Variants in KLF12 observed in about 807,000 individuals in gnomAD.
KLF12 encodes the protein KLF transcription factor 12.
Under a neutral mutation model 37.8 loss-of-function variants are expected in KLF12, and 9 were observed. The observed-to-expected ratio is 0.24, with a 90% CI of 0.14 to 0.42. KLF12 has a LOEUF of 0.42. Ranked by LOEUF, KLF12 falls within the 10% of genes least tolerant of loss-of-function variation. The pLI is 1.00. For synonymous variants in KLF12, 208 were observed against 202.1 expected (o/e 1.03, Z -0.25); for missense variants, 411 against 516.0 (o/e 0.80, Z 1.97).
At position 73,846,044 on chromosome 13, in the gene KLF12, A is replaced by G. The variant is rs1461058131; in HGVS notation, c.453T>C (p.Ser151=). 6.2e-7 allele frequency: 1 copy of G among 1,614,006 alleles called. No homozygotes were observed. The highest frequency in any genetic ancestry group is 1.1e-5 in the South Asian group (1 of 91,082). ...ACTGCTGGCCTCCAACACCAGATGC[A>G]GAGGCCACAAGGGGCCCTGGAGTTA... Residue 151 remains serine, a synonymous_variant, in exon 4 of 8, where the codon TCT becomes TCC. Coordinates refer to ENST00000377669, the MANE Select transcript of KLF12 (RefSeq NM_007249.5).
the KLF12 span, among the ~76,000 whole-genome samples, chr13:74,196,653 C>T: frequency 3.3e-5 from 5 of 152,260 alleles, no homozygotes; most frequent in South Asian, 6.2e-4. Context: ...TTAGCCTGAG[C>T]ATGGTCACAG....
chr13:73,937,214 G>A (rs1244567382), intron 3 of KLF12, among the ~76,000 whole-genome samples: 1 of 151,894 alleles, frequency 6.6e-6, no homozygotes, highest in African/African-American at 2.4e-5. Flanking sequence ...AATAAAAAAG[G>A]ATATTTTTTG....
intron 1 of KLF12, among the ~76,000 whole-genome samples, chr13:74,125,802 T>C (rs903159666): frequency 6.6e-6 from 1 of 152,212 alleles, no homozygotes; most frequent in Non-Finnish European, 1.5e-5. Flanking sequence ...ACAAATATAA[T>C]AATACAGCCT....
chr13:73,843,252 A>G (rs1455503940), intron 4 of KLF12, among the ~76,000 whole-genome samples: 1 of 152,014 alleles, frequency 6.6e-6, no homozygotes, highest in Non-Finnish European at 1.5e-5. Flanking sequence ...AGAGATAATA[A>G]GTAATTTCAA....
chr13:73,982,898 AG>A lies in KLF12; in HGVS notation c.33+12091del, dbSNP rs1467336485. 4.6e-5 allele frequency among the ~76,000 whole-genome samples: 7 copies of A among 152,190 alleles called. No individual in the cohort carries two copies. The East Asian group carries it at 1.4e-3, about 29-fold the overall frequency. ...CTGTCACCCACTTTTCATTTATTTC[AG>A]GATTTCATTTTTCTTTCTTCTGTCA... On this transcript the variant is annotated intron_variant, in intron 2 of 7. Transcript: ENST00000377669.
intron 2 of KLF12, among the ~76,000 whole-genome samples, chr13:73,952,297 A>T (rs1267264969): frequency 6.6e-6 from 1 of 152,204 alleles, no homozygotes; most frequent in Non-Finnish European, 1.5e-5. Context: ...ATGGCTGAGG[A>T]GGCCTCAGGA....
At chr13:73,725,344 C>T (rs1045904650) in intron 6 of KLF12, among the ~76,000 whole-genome samples, 2 of 152,196 alleles carry the variant, frequency 1.3e-5, no homozygotes, top group African/African-American at 4.8e-5. Context: ...TCGTGATCTG[C>T]CTGCCTTGGC....
chr13:74,286,450 A>G, the KLF12 span, among the ~76,000 whole-genome samples: 1 of 152,238 alleles, frequency 6.6e-6, no homozygotes, highest in Non-Finnish European at 1.5e-5. Context: ...GAAACAGTAA[A>G]AAGCGTATTC....
intron 3 of KLF12, among the ~76,000 whole-genome samples, chr13:73,883,185 ACATC>A (rs1197457650): frequency 4.6e-5 from 7 of 152,320 alleles, no homozygotes; most frequent in Non-Finnish European, 1.0e-4. Context: ...GCATTACTGT[ACATC>A]CTTTTATTAA....
intron 3 of KLF12, among the ~76,000 whole-genome samples, chr13:73,896,740 C>T (rs186677527): frequency 2.6e-5 from 4 of 152,188 alleles, no homozygotes; most frequent in Admixed American, 2.0e-4. Context: ...TCTTTTTGCC[C>T]ATGGAGATTC....
chr13:73,934,949 TATTA>T (rs1345193442), intron 3 of KLF12, among the ~76,000 whole-genome samples: 2 of 107,448 alleles, frequency 1.9e-5, no homozygotes, highest in African/African-American at 3.5e-5. Context: ...GATAGGTTTT[TATTA>T]TTTATTTATT....
At chr13:73,992,936 A>G (rs1892009148) in intron 2 of KLF12, among the ~76,000 whole-genome samples, 1 of 152,166 alleles carries the variant, frequency 6.6e-6, no homozygotes, top group African/African-American at 2.4e-5. Flanking sequence ...CATTTTTTAA[A>G]CACACAGCAG....
At chr13:73,761,038 A>G (rs377316604) in intron 6 of KLF12, among the ~76,000 whole-genome samples, 52 of 152,160 alleles carry the variant, frequency 3.4e-4, no homozygotes, top group African/African-American at 1.2e-3. Flanking sequence ...GATTTCTGTT[A>G]TATCTTTAGG....
chr13:74,007,288 T>A (rs1407747539), intron 1 of KLF12, among the ~76,000 whole-genome samples: 1 of 139,958 alleles, frequency 7.1e-6, no homozygotes, highest in Non-Finnish European at 1.7e-5. Context: ...TTTTTATTTT[T>A]TTTTTTTGAG....
chr13:73,869,440 T>C (rs752515785), intron 3 of KLF12, among the ~76,000 whole-genome samples: 6 of 152,288 alleles, frequency 3.9e-5, no homozygotes, highest in Non-Finnish European at 7.4e-5. Flanking sequence ...TTTTCCTACC[T>C]ACCTGAACTA....
intron 6 of KLF12, among the ~76,000 whole-genome samples, chr13:73,744,265 G>A (rs1300769912): frequency 6.6e-6 from 1 of 152,146 alleles, no homozygotes; most frequent in East Asian, 1.9e-4. Flanking sequence ...GTTGCAAAGT[G>A]GCTTTGTTCC....
In KLF12 at chr13:73,874,028, G is replaced by T. The variant is rs188511012; in HGVS notation, c.124-27655C>A. Among the ~76,000 whole-genome samples, 43 of 152,270 alleles carry T rather than the reference G, an allele frequency of 2.8e-4. No homozygotes were observed. In the East Asian group the frequency reaches 8.1e-3, roughly 29 times the overall value. The stretch of plus-strand genomic sequence containing the variant: ...AGTAAGAGAACCAAAGGCTATAATG[G>T]CAATGGAAAAGGCAAGGTCGAGGAC... On this transcript the variant is annotated intron_variant, in intron 3 of 7. Coordinates refer to ENST00000377669, the MANE Select transcript of KLF12 (RefSeq NM_007249.5).
chr13:74,117,416 A>G (rs555105821), intron 1 of KLF12, among the ~76,000 whole-genome samples: 63 of 152,352 alleles, frequency 4.1e-4, no homozygotes, highest in African/African-American at 1.3e-3. Flanking sequence ...CTAACACAGT[A>G]TTAGCTTATG....
At chr13:74,084,488 A>G (rs1462960748) in intron 1 of KLF12, among the ~76,000 whole-genome samples, 2 of 152,206 alleles carry the variant, frequency 1.3e-5, no homozygotes, top group African/African-American at 2.4e-5. Flanking sequence ...CTTACAGATC[A>G]CTAGAAGTCA....
Sources: allele counts gnomAD v4.1 joint callset (sites outside exome capture counted in the v4.1 genomes callset), GRCh38; gene constraint gnomAD v4.1.1; transcripts MANE v1.5; gene names NCBI Gene and HGNC (gene_info 2026-07-23, HGNC 2026-07-21).